The following SPATA16 variants were observed in gnomAD, a reference collection of about 807,000 sequenced individuals.
SPATA16 encodes spermatogenesis-associated protein 16.
In SPATA16, 36 loss-of-function variants were observed where a neutral mutation model predicts 63.3. That is an observed-to-expected ratio of 0.57 (90% CI 0.44 to 0.75). The LOEUF is 0.75. Among genes scored for constraint, SPATA16 ranks in the 30% least tolerant of loss-of-function variants. The probability of loss-of-function intolerance (pLI) is 0.00; values close to 1 mark genes in which losing one functional copy is unlikely to be tolerated. For missense variants in SPATA16, 646 were observed against 679.3 expected (o/e 0.95, Z 0.54); for synonymous variants, 203 against 216.7 (o/e 0.94, Z 0.56).
intron 3 of SPATA16, among the ~76,000 whole-genome samples, chr3:173,033,812 C>T (rs571648136): frequency 6.6e-6 from 1 of 152,314 alleles, no homozygotes; most frequent in East Asian, 1.9e-4. Context: ...TCAAGCGATT[C>T]TCCTGCCTCA....
chr3:173,050,314 G>A (rs1454886759), intron 2 of SPATA16, among the ~76,000 whole-genome samples: 1 of 152,062 alleles, frequency 6.6e-6, no homozygotes, highest in Non-Finnish European at 1.5e-5. Flanking sequence ...GTCTGAATTG[G>A]TAGTTACCTA....
intron 10 of SPATA16, among the ~76,000 whole-genome samples, chr3:172,890,301 C>A (rs577050903): frequency 1.1e-4 from 16 of 152,192 alleles, no homozygotes; most frequent in African/African-American, 3.1e-4. Flanking sequence ...AGTCTTTCTT[C>A]AAAGAAAACT....
chr3:173,105,405 T>A (rs920611593), intron 2 of SPATA16, among the ~76,000 whole-genome samples: 1 of 152,216 alleles, frequency 6.6e-6, no homozygotes, highest in African/African-American at 2.4e-5. Flanking sequence ...TTACTCTTAC[T>A]GCTACTTCTA....
At chr3:173,137,242 T>C (rs1738570586) in intron 1 of SPATA16, among the ~76,000 whole-genome samples, 1 of 152,196 alleles carries the variant, frequency 6.6e-6, no homozygotes, top group Admixed American at 6.5e-5. Context: ...TCTGAGGGAT[T>C]CTTTTCAAAT....
At chr3:172,942,888 G>A (rs73882534) in intron 6 of SPATA16, among the ~76,000 whole-genome samples, 14,060 of 152,056 alleles carry the variant, frequency 0.092, 1,968 homozygotes, top group African/African-American at 0.31. Flanking sequence ...GTAGCTAAAC[G>A]TTTCTATACA....
chr3:173,061,542 A>T (rs1319581097), intron 2 of SPATA16, among the ~76,000 whole-genome samples: 1 of 152,222 alleles, frequency 6.6e-6, no homozygotes, highest in Non-Finnish European at 1.5e-5. Flanking sequence ...TAACCTGCAG[A>T]TTCCTTAATG....
intron 2 of SPATA16, among the ~76,000 whole-genome samples, chr3:173,100,802 A>G (rs1239721882): frequency 6.6e-6 from 1 of 152,292 alleles, no homozygotes; most frequent in East Asian, 1.9e-4. Context: ...GCTTACCATT[A>G]TATGTACTGG....
chr3:173,108,801 G>A (rs569217991), intron 2 of SPATA16, among the ~76,000 whole-genome samples: 60 of 152,006 alleles, frequency 3.9e-4, no homozygotes, highest in African/African-American at 1.4e-3. Context: ...AAATACTATT[G>A]TGTTACAATT....
At chr3:172,999,130 T>C (rs1294248130) in intron 4 of SPATA16, among the ~76,000 whole-genome samples, 3 of 152,178 alleles carry the variant, frequency 2.0e-5, no homozygotes, top group East Asian at 3.8e-4. Context: ...TTCTTCCTTA[T>C]GTGTTTGTTA....
intron 10 of SPATA16, among the ~76,000 whole-genome samples, chr3:172,896,787 C>A (rs74656012): frequency 6.6e-6 from 1 of 151,464 alleles, no homozygotes; most frequent in African/African-American, 2.4e-5. Context: ...CAAATTGGAT[C>A]GGCTTTTTTT....
chr3:173,027,099 T>C (rs376590996), intron 3 of SPATA16, among the ~76,000 whole-genome samples: 9 of 151,944 alleles, frequency 5.9e-5, no homozygotes, highest in Admixed American at 3.3e-4. Context: ...CATCAATGTT[T>C]TGTAGTTTTC....
At position 173,024,675 on chromosome 3, in the gene SPATA16, C is replaced by T. The variant is rs182448464; in HGVS notation, c.759-5100G>A. Among the ~76,000 whole-genome samples, 686 of 150,654 alleles carry T rather than the reference C, an allele frequency of 4.6e-3. 6 individuals carry two copies. The highest frequency in any genetic ancestry group is 0.016 in the African/African-American group (652 of 41,430). On this transcript the variant is annotated intron_variant, in intron 3 of 10. Transcript: ENST00000351008. ...AATAATGCTATGATTTTTATGAAAT[C>T]GTATACTAAAATTAAGTTGCTAGAG...
intron 6 of SPATA16, among the ~76,000 whole-genome samples, chr3:172,955,733 C>T (rs943585557): frequency 3.9e-5 from 6 of 152,204 alleles, no homozygotes; most frequent in Admixed American, 3.3e-4. Flanking sequence ...GGCATGTTCA[C>T]GGGTTCAAAT....
intron 3 of SPATA16, among the ~76,000 whole-genome samples, chr3:173,036,607 T>C (rs1383169300): frequency 1.3e-5 from 2 of 151,986 alleles, no homozygotes; most frequent in African/African-American, 2.4e-5. Context: ...AATTAATCAT[T>C]AAGAAACTAC....
chr3:172,932,814 C>T (rs1732901100), intron 6 of SPATA16, among the ~76,000 whole-genome samples: 1 of 151,750 alleles, frequency 6.6e-6, no homozygotes, highest in Non-Finnish European at 1.5e-5. Context: ...TCCCTTTGAC[C>T]TTCATTATAA....
chr3:173,060,533 A>G (rs181042757), intron 2 of SPATA16, among the ~76,000 whole-genome samples: 5 of 152,320 alleles, frequency 3.3e-5, no homozygotes, highest in African/African-American at 4.8e-5. Context: ...AAAAATAAAC[A>G]ATGTTAAAGA....
chr3:173,045,119 T>G (rs1735928087), intron 3 of SPATA16, among the ~76,000 whole-genome samples: 1 of 152,146 alleles, frequency 6.6e-6, no homozygotes, highest in Non-Finnish European at 1.5e-5. Flanking sequence ...GGCTAAGAAC[T>G]TACAGTAAAT....
intron 1 of SPATA16, among the ~76,000 whole-genome samples, chr3:173,128,522 G>A (rs1487114091): frequency 6.6e-6 from 1 of 152,114 alleles, no homozygotes; most frequent in South Asian, 2.1e-4. Context: ...CATGTCTGGG[G>A]TAATGCATAG....
At chr3:172,978,530 T>C (rs1734221218) in intron 4 of SPATA16, among the ~76,000 whole-genome samples, 1 of 152,116 alleles carries the variant, frequency 6.6e-6, no homozygotes, top group Non-Finnish European at 1.5e-5. Context: ...CGATGGAAAA[T>C]ATAGAAATTT....
Sources: allele counts gnomAD v4.1 joint callset (sites outside exome capture counted in the v4.1 genomes callset), GRCh38; gene constraint gnomAD v4.1.1; transcripts MANE v1.5; gene names NCBI Gene and HGNC (gene_info 2026-07-23, HGNC 2026-07-21).